CNTN4: variants seen among roughly 807,000 people sequenced by gnomAD.
CNTN4 encodes the protein contactin 4, also known as contactin-4.
CNTN4 carries 77 observed loss-of-function variants against 122.5 expected under a neutral mutation model. The observed-to-expected ratio is 0.63, with a 90% CI of 0.52 to 0.76. The LOEUF (loss-of-function observed/expected upper bound fraction) is 0.76, where lower values mean the gene tolerates loss of function less well. Among genes scored for constraint, CNTN4 ranks in the 30% least tolerant of loss-of-function variants. The pLI is 0.00. For synonymous variants in CNTN4, 512 were observed against 447.0 expected (o/e 1.15, Z -1.83); for missense variants, 1,256 against 1,259.1 (o/e 1.00, Z 0.04).
At chr3:2,438,636 T>G (rs2048333034) in intron 3 of CNTN4, among the ~76,000 whole-genome samples, 1 of 152,226 alleles carries the variant, frequency 6.6e-6, no homozygotes, top group South Asian at 2.1e-4. Context: ...CAGAATTGTT[T>G]GCCAAGATAA....
rs1414146172 is a variant in CNTN4 at position 2,518,011 on chromosome 3, C to T, written c.-88-53405C>T. On this transcript the variant is annotated intron_variant, in intron 3 of 24. Transcript: ENST00000418658. Reference sequence around the variant, plus strand: ...GACACAATCCTTCCCTAGAGTCCCCCTCCCCTACCTCTCCCTGCAGGAATC... The same window carrying T: ...GACACAATCCTTCCCTAGAGTCCCCTTCCCCTACCTCTCCCTGCAGGAATC... Among the ~76,000 whole-genome samples the T allele has an allele frequency of 2.6e-5, 4 of 152,282 alleles. No homozygotes were observed. The East Asian group carries it at 5.8e-4, about 22-fold the overall frequency.
chr3:2,742,043 T>A (rs1334214026), intron 5 of CNTN4, among the ~76,000 whole-genome samples: 3 of 152,198 alleles, frequency 2.0e-5, no homozygotes, highest in African/African-American at 7.2e-5. Flanking sequence ...ATTCCTCTTG[T>A]TGAAAGAAAG....
intron 13 of CNTN4, among the ~76,000 whole-genome samples, chr3:2,981,598 G>A (rs80001209): frequency 0.08 from 12,151 of 151,816 alleles, 1,427 homozygotes; most frequent in African/African-American, 0.25. Flanking sequence ...TGGAAAAACC[G>A]TTTTTCTAAG....
At chr3:2,460,829 G>C (rs1473083183) in intron 3 of CNTN4, among the ~76,000 whole-genome samples, 2 of 152,164 alleles carry the variant, frequency 1.3e-5, no homozygotes, top group African/African-American at 2.4e-5. Context: ...ATAAATATTT[G>C]AGTAACTACT....
intron 4 of CNTN4, among the ~76,000 whole-genome samples, chr3:2,720,237 T>A (rs2087758675): frequency 1.3e-5 from 2 of 152,110 alleles, no homozygotes; most frequent in Admixed American, 6.5e-5. Context: ...TTGATGTCAA[T>A]GAGATAGAGA....
chr3:2,970,916 T>C (rs1692850641), intron 13 of CNTN4, among the ~76,000 whole-genome samples: 2 of 151,902 alleles, frequency 1.3e-5, no homozygotes, highest in East Asian at 1.9e-4. Context: ...GCCCCCCGAG[T>C]AGCTGAGATT....
At chr3:2,857,019 T>A (rs2093625105) in intron 7 of CNTN4, among the ~76,000 whole-genome samples, 2 of 152,174 alleles carry the variant, frequency 1.3e-5, no homozygotes. Context: ...CTTAGGCCAG[T>A]GACAGATGAC....
intron 3 of CNTN4, among the ~76,000 whole-genome samples, chr3:2,427,801 G>T (rs1326820058): frequency 6.6e-6 from 1 of 151,940 alleles, no homozygotes; most frequent in Non-Finnish European, 1.5e-5. Context: ...TCTTCTTGTT[G>T]AATTGATCCC....
chr3:2,529,218 G>A (rs1005565575), intron 3 of CNTN4, among the ~76,000 whole-genome samples: 1 of 152,064 alleles, frequency 6.6e-6, no homozygotes, highest in Non-Finnish European at 1.5e-5. Flanking sequence ...ATCATTCTGT[G>A]CCTGGCTTAT....
chr3:2,279,740 G>GTA (rs1055373387), intron 2 of CNTN4, among the ~76,000 whole-genome samples: 50 of 151,110 alleles, frequency 3.3e-4, no homozygotes, highest in Admixed American at 1.2e-3. Flanking sequence ...CAGAATTTTG[G>GTA]TATATATATA....
chr3:2,487,431 A>G (rs1336050142), intron 3 of CNTN4, among the ~76,000 whole-genome samples: 1 of 152,182 alleles, frequency 6.6e-6, no homozygotes, highest in African/African-American at 2.4e-5. Flanking sequence ...CAACCAATTT[A>G]CCAGCCAAGC....
chr3:2,757,253 G>A (rs959759233), intron 6 of CNTN4, among the ~76,000 whole-genome samples: 3 of 152,146 alleles, frequency 2.0e-5, no homozygotes, highest in Middle Eastern at 3.4e-3. Flanking sequence ...TCCCTTTCCC[G>A]GGTATGTTTT....
At position 2,824,415 on chromosome 3, in the gene CNTN4, C is replaced by G. The variant is rs143614025; in HGVS notation, c.454+4834C>G. Among the ~76,000 whole-genome samples the G allele has an allele frequency of 8.7e-3, 1,315 of 151,860 alleles. 26 individuals carry two copies. The highest frequency in any genetic ancestry group is 0.03 in the African/African-American group (1,240 of 41,400). ...GAGGTTGCGGTGAGTGGAGATCGCG[C>G]CACTGCACTCCAGCCTGGGCGACAG... On this transcript the variant is annotated intron_variant, in intron 7 of 24. Transcript: ENST00000418658.
intron 2 of CNTN4, among the ~76,000 whole-genome samples, chr3:2,288,483 G>T (rs1350454570): frequency 1.3e-5 from 2 of 152,112 alleles, no homozygotes; most frequent in Non-Finnish European, 2.9e-5. Flanking sequence ...CTATCTCCCT[G>T]ACCCAAATAC....
At chr3:2,878,184 G>C (rs4446191) in intron 8 of CNTN4, among the ~76,000 whole-genome samples, 1 of 151,888 alleles carries the variant, frequency 6.6e-6, no homozygotes, top group Non-Finnish European at 1.5e-5. Flanking sequence ...TCACGTTCCT[G>C]TAGCCATAAA....
At chr3:2,810,387 T>C (rs2092576187) in intron 6 of CNTN4, among the ~76,000 whole-genome samples, 2 of 152,186 alleles carry the variant, frequency 1.3e-5, no homozygotes, top group Admixed American at 1.3e-4. Context: ...ATATTGATTA[T>C]GCTATTTTTA....
Position 2,485,354 on chromosome 3 carries a change from T to A in CNTN4, c.-88-86062T>A, listed in dbSNP as rs936907407. The stretch of plus-strand genomic sequence containing the variant: ...CCTGTGGCCCCAGTGCAGGATCCAC[T>A]AGGTGAAGCCAGCTGGGCTCCTGAG... On this transcript the variant is annotated intron_variant, in intron 3 of 24. Transcript: ENST00000418658. 3.9e-5 allele frequency among the ~76,000 whole-genome samples: 6 copies of A among 152,356 alleles called. 1 individual carries two copies. In the East Asian group the frequency reaches 9.7e-4, roughly 25 times the overall value.
intron 4 of CNTN4, among the ~76,000 whole-genome samples, chr3:2,616,881 G>A (rs747286378): frequency 1.1e-4 from 17 of 152,064 alleles, no homozygotes; most frequent in Non-Finnish European, 2.2e-4. Context: ...ACAAAAACAA[G>A]CAATGGGGAA....
At chr3:2,291,919 G>A (rs1403226670) in intron 2 of CNTN4, among the ~76,000 whole-genome samples, 2 of 151,884 alleles carry the variant, frequency 1.3e-5, no homozygotes, top group African/African-American at 4.8e-5. Context: ...TGTTATTAGT[G>A]GAGATGGGGT....
Sources: allele counts gnomAD v4.1 joint callset (sites outside exome capture counted in the v4.1 genomes callset), GRCh38; gene constraint gnomAD v4.1.1; transcripts MANE v1.5; gene names NCBI Gene and HGNC (gene_info 2026-07-23, HGNC 2026-07-21).